Variants in MEIS2 observed in about 807,000 individuals in gnomAD.
MEIS2 encodes the protein homeobox protein Meis2.
Under a neutral mutation model 58.6 loss-of-function variants are expected in MEIS2, and 9 were observed. That is an observed-to-expected ratio of 0.15 (90% CI 0.09 to 0.27). The LOEUF (loss-of-function observed/expected upper bound fraction) is 0.27, where lower values mean the gene tolerates loss of function less well. Among genes scored for constraint, MEIS2 ranks in the 10% least tolerant of loss-of-function variants. The probability of loss-of-function intolerance (pLI) is 1.00; values close to 1 mark genes in which losing one functional copy is unlikely to be tolerated. For missense variants in MEIS2, 427 were observed against 635.0 expected (o/e 0.67, Z 3.52); for synonymous variants, 221 against 228.4 (o/e 0.97, Z 0.29).
intron 6 of MEIS2, among the ~76,000 whole-genome samples, chr15:37,091,719 C>T (rs1271038134): frequency 6.6e-6 from 1 of 152,098 alleles, no homozygotes; most frequent in Non-Finnish European, 1.5e-5. Context: ...CTTATCTTTT[C>T]TATGTAAACA....
At chr15:36,900,923 C>G (rs957968718) in intron 9 of MEIS2, 1 of 152,226 alleles carries the variant, frequency 6.6e-6, no homozygotes, top group Non-Finnish European at 1.5e-5. Context: ...GGTTCACTAA[C>G]TTCATGCCAC....
chr15:36,982,028 A>G (rs1033448945), intron 8 of MEIS2, among the ~76,000 whole-genome samples: 3 of 152,084 alleles, frequency 2.0e-5, no homozygotes, highest in Admixed American at 2.0e-4. Context: ...GGCCTTTGGA[A>G]TTGAACTGAA....
intron 8 of MEIS2, among the ~76,000 whole-genome samples, chr15:36,967,812 A>T (rs2059405827): frequency 6.6e-6 from 1 of 151,910 alleles, no homozygotes; most frequent in South Asian, 2.1e-4. Flanking sequence ...TTTTCTATAC[A>T]CTGTGTTTCC....
chr15:36,912,172 A>G (rs952773907), intron 9 of MEIS2, among the ~76,000 whole-genome samples: 3 of 30,842 alleles, frequency 9.7e-5, no homozygotes, highest in Non-Finnish European at 3.9e-4. Flanking sequence ...GTGAGGAGGA[A>G]TGCCAAAAAC....
upstream of MEIS2, chr15:37,100,881 A>T (rs74244607): frequency 6.6e-6 from 1 of 151,186 alleles, no homozygotes; most frequent in Admixed American, 6.6e-5. Context: ...TAAAAAAAAA[A>T]AAAAACTTAC....
intron 9 of MEIS2, among the ~76,000 whole-genome samples, chr15:36,903,735 T>C (rs1230760095): frequency 1.3e-5 from 2 of 152,210 alleles, no homozygotes; most frequent in Non-Finnish European, 2.9e-5. Flanking sequence ...CCAACTCCCA[T>C]TATGTTCCTA....
chr15:37,020,946 A>G (rs2061506475), intron 8 of MEIS2, among the ~76,000 whole-genome samples: 1 of 152,122 alleles, frequency 6.6e-6, no homozygotes, highest in Non-Finnish European at 1.5e-5. Context: ...TAGGGCTTTT[A>G]GGAGGTAATT....
At chr15:37,023,911 C>CTT (rs35244111) in intron 8 of MEIS2, among the ~76,000 whole-genome samples, 215 of 101,466 alleles carry the variant, frequency 2.1e-3, no homozygotes, top group East Asian at 4.5e-3. Context: ...TTTTCTCTCT[C>CTT]TTTTTTTTTT....
At chr15:36,912,459 T>C (rs1208874820) in intron 9 of MEIS2, among the ~76,000 whole-genome samples, 2 of 152,226 alleles carry the variant, frequency 1.3e-5, no homozygotes, top group Non-Finnish European at 2.9e-5. Context: ...CTCAATTATT[T>C]ATACTTGCAA....
intron 7 of MEIS2, among the ~76,000 whole-genome samples, chr15:37,038,697 G>T (rs2062272937): frequency 6.6e-6 from 1 of 152,132 alleles, no homozygotes; most frequent in African/African-American, 2.4e-5. Flanking sequence ...TATAGTCAAA[G>T]ACCGAATCAG....
At chr15:36,980,793 T>C (rs767712899) in intron 8 of MEIS2, among the ~76,000 whole-genome samples, 12 of 152,222 alleles carry the variant, frequency 7.9e-5, no homozygotes. Context: ...ATCTTTATTT[T>C]CAAATTAATT....
intron 8 of MEIS2, among the ~76,000 whole-genome samples, chr15:36,950,770 C>A (rs1301085188): frequency 1.3e-5 from 2 of 152,062 alleles, no homozygotes; most frequent in African/African-American, 2.4e-5. Context: ...CCCTAGACAG[C>A]CTATGTAAAG....
chr15:36,965,928 G>A (rs1241105503), intron 8 of MEIS2, among the ~76,000 whole-genome samples: 2 of 152,130 alleles, frequency 1.3e-5, no homozygotes, highest in Admixed American at 6.5e-5. Flanking sequence ...ATCTCACGAG[G>A]GGAAGAAGAA....
chr15:37,066,167 G>T (rs1014640547), intron 7 of MEIS2: 2 of 152,036 alleles, frequency 1.3e-5, no homozygotes, highest in African/African-American at 2.4e-5. Context: ...AAAAAAATTG[G>T]TTTTTCAAAG....
intron 8 of MEIS2, among the ~76,000 whole-genome samples, chr15:36,990,722 T>C (rs1280231759): frequency 1.3e-5 from 2 of 152,160 alleles, no homozygotes; most frequent in Admixed American, 6.5e-5. Context: ...TGTACTTAAG[T>C]ATATTGTAGA....
intron 11 of MEIS2, chr15:36,894,939 G>A: frequency 1.0e-6 from 1 of 960,682 alleles, no homozygotes; most frequent in Non-Finnish European, 1.7e-6. Context: ...GAAAAAGGAT[G>A]TGTATGGGGC....
chr15:37,051,267 C>T (rs1295929732), intron 7 of MEIS2, among the ~76,000 whole-genome samples: 1 of 152,156 alleles, frequency 6.6e-6, no homozygotes, highest in Non-Finnish European at 1.5e-5. Context: ...TATCCACACA[C>T]TGAAATACTA....
At chr15:36,901,698 G>A (rs1425276259) in intron 9 of MEIS2, among the ~76,000 whole-genome samples, 1 of 152,144 alleles carries the variant, frequency 6.6e-6, no homozygotes, top group Admixed American at 6.5e-5. Context: ...ATAAAAACAT[G>A]ATGTTAATCT....
rs145308249 is a variant in MEIS2 at position 37,014,595 on chromosome 15, A to G, written c.900+22219T>C. Among the ~76,000 whole-genome samples, 23 of 152,334 alleles carry G rather than the reference A, an allele frequency of 1.5e-4. 1 individual carries two copies. The East Asian group carries it at 4.4e-3, about 29-fold the overall frequency. On this transcript the variant is annotated intron_variant, in intron 8 of 11. Transcript: ENST00000561208. ...TTTGAACTTAATTCTGGAATTTTTT[A>G]TTGTTTAGACCCAAGAGATTTCAAT...
Sources: gnomAD v4.1 joint callset for allele counts (sites outside exome capture counted in the v4.1 genomes callset) on GRCh38, gnomAD v4.1.1 for gene constraint, MANE v1.5 for transcripts, NCBI Gene and HGNC (gene_info 2026-07-23, HGNC 2026-07-21) for gene names.